The following ARHGEF6 variants were observed in gnomAD, a reference collection of about 807,000 sequenced individuals.
ARHGEF6 encodes Rac/Cdc42 guanine nucleotide exchange factor 6.
A neutral mutation model predicts 70.3 loss-of-function variants in ARHGEF6; 9 were observed. The ratio of observed to expected loss-of-function variants is 0.13; its 90% CI spans 0.08 to 0.22. The LOEUF (loss-of-function observed/expected upper bound fraction) is 0.22. Among genes scored for constraint, ARHGEF6 ranks in the 10% least tolerant of loss-of-function variants. ARHGEF6 has a pLI of 1.00. For missense variants in ARHGEF6, 470 were observed against 563.0 expected, an observed-to-expected ratio of 0.83 and a Z score of 1.67; for synonymous variants, 201 against 207.8, an observed-to-expected ratio of 0.97 and a Z score of 0.28.
intron 6 of ARHGEF6, among the ~76,000 whole-genome samples, chrX:136,722,162 C>T (rs1055005094): frequency 6.0e-4 from 67 of 110,956 alleles, no homozygotes; most frequent in Non-Finnish European, 7.0e-4. Context: ...AATTTACACC[C>T]CTACCTCATA....
chrX:136,772,643 G>A (rs1037230015), intron 2 of ARHGEF6, among the ~76,000 whole-genome samples: 7 of 112,283 alleles, frequency 6.2e-5, no homozygotes, highest in African/African-American at 2.3e-4. Flanking sequence ...GGCTGAGGCA[G>A]GTGGATCACT....
chrX:136,694,064 T>A (rs890951932), intron 9 of ARHGEF6, among the ~76,000 whole-genome samples: 2 of 108,773 alleles, frequency 1.8e-5, no homozygotes, highest in South Asian at 4.0e-4. Context: ...TCCTTTTTTT[T>A]TTTTTTTTGA....
rs1603348481 is a variant in ARHGEF6 at position 136,732,314 on chromosome X, A to G, written c.662-142T>C. On this transcript the variant is annotated intron_variant, in intron 5 of 21. Transcript: ENST00000250617. ...ACATTCCTAAACAAATGAAACTACA[A>G]CTGTGCTAAACTATAGATGGTCAAA... 1.0e-5 allele frequency: 5 copies of G among 501,847 alleles called. No homozygotes were observed. The East Asian group carries it at 1.9e-4, about 19-fold the overall frequency. 41.4% of individuals were successfully genotyped at this position (501,847 alleles called of 1,213,427 possible).
At chrX:136,758,595 GA>G (rs1250673914) in intron 2 of ARHGEF6, among the ~76,000 whole-genome samples, 2 of 110,485 alleles carry the variant, frequency 1.8e-5, no homozygotes, top group Non-Finnish European at 3.8e-5. Flanking sequence ...GACATCACAG[GA>G]GCTAGTATCT....
intron 9 of ARHGEF6, among the ~76,000 whole-genome samples, chrX:136,703,897 C>T (rs973094483): frequency 3.5e-5 from 4 of 112,689 alleles, no homozygotes; most frequent in Non-Finnish European, 5.6e-5. Flanking sequence ...ATAGACTATA[C>T]AGTAGAGTGT....
At chrX:136,741,313 T>C (rs1218075152) in intron 5 of ARHGEF6, among the ~76,000 whole-genome samples, 1 of 111,593 alleles carries the variant, frequency 9.0e-6, no homozygotes. Context: ...AATGAAGACC[T>C]TTATGATGAT....
chrX:136,767,913 G>A, intron 2 of ARHGEF6: 1 of 540,482 alleles, frequency 1.9e-6, no homozygotes, highest in Non-Finnish European at 2.3e-6. Context: ...GTGTACCCGC[G>A]GCGGCCACAC....
intron 2 of ARHGEF6, among the ~76,000 whole-genome samples, chrX:136,772,523 CA>C (rs1307938622): frequency 3.6e-5 from 4 of 112,234 alleles, no homozygotes; most frequent in South Asian, 3.7e-4. Flanking sequence ...CAAATATATA[CA>C]CCTGCTATGT....
intron 20 of ARHGEF6, among the ~76,000 whole-genome samples, chrX:136,670,749 T>C (rs977808541): frequency 2.7e-5 from 3 of 112,063 alleles, no homozygotes; most frequent in African/African-American, 9.8e-5. Flanking sequence ...TGCTATGACA[T>C]TGCCCTTCCC....
At chrX:136,732,245 T>C in intron 5 of ARHGEF6, 73 bp from the exon 6 acceptor site, 1 of 763,831 alleles carries the variant, frequency 1.3e-6, no homozygotes, top group Non-Finnish European at 2.0e-6. Context: ...ATGGGTCAAC[T>C]AACATACTAT....
chrX:136,683,343 A>C (rs1348564065), intron 12 of ARHGEF6, among the ~76,000 whole-genome samples: 1 of 110,573 alleles, frequency 9.0e-6, no homozygotes, highest in East Asian at 2.8e-4. Flanking sequence ...TATGTAAAAC[A>C]TAAAAGTAGA....
At chrX:136,738,407 G>A (rs750726235) in intron 5 of ARHGEF6, among the ~76,000 whole-genome samples, 3 of 111,270 alleles carry the variant, frequency 2.7e-5, no homozygotes, top group African/African-American at 6.5e-5. Context: ...CTCTATTAAC[G>A]GAGTTCAGCA....
At chrX:136,776,378 A>G (rs773931902) in intron 2 of ARHGEF6, among the ~76,000 whole-genome samples, 10 of 112,059 alleles carry the variant, frequency 8.9e-5, no homozygotes, top group Non-Finnish European at 1.3e-4. Flanking sequence ...GAACCCAGAA[A>G]TAAAGCCCAA....
chrX:136,738,058 T>C (rs1205338743), intron 5 of ARHGEF6, among the ~76,000 whole-genome samples: 2 of 109,813 alleles, frequency 1.8e-5, no homozygotes, highest in Non-Finnish European at 3.8e-5. Flanking sequence ...ACAGCTTACC[T>C]GTCTTTCAGT....
At chrX:136,717,382 A>G (rs1034312884) in intron 6 of ARHGEF6, among the ~76,000 whole-genome samples, 1 of 111,603 alleles carries the variant, frequency 9.0e-6, no homozygotes, top group Non-Finnish European at 1.9e-5. Context: ...ATCCTTCAAA[A>G]GTGAAAGACA....
intron 5 of ARHGEF6, chrX:136,737,461 C>G: frequency 1.5e-6 from 1 of 646,930 alleles, no homozygotes; most frequent in African/African-American, 2.5e-5. Flanking sequence ...GAGCGAAACT[C>G]CATCTCAAAA....
At chrX:136,744,217 A>G (rs1197814458) in intron 4 of ARHGEF6, among the ~76,000 whole-genome samples, 2 of 111,988 alleles carry the variant, frequency 1.8e-5, no homozygotes, top group African/African-American at 6.5e-5. Flanking sequence ...TCTGCCTCCC[A>G]TCTCCTAATT....
intron 9 of ARHGEF6, among the ~76,000 whole-genome samples, chrX:136,705,306 G>A (rs1315943779): frequency 9.1e-6 from 1 of 109,916 alleles, no homozygotes; most frequent in African/African-American, 3.3e-5. Context: ...AAAAAGGAAG[G>A]GAAGAGGAGG....
intron 5 of ARHGEF6, among the ~76,000 whole-genome samples, chrX:136,741,278 C>T (rs193300341): frequency 2.3e-4 from 26 of 111,587 alleles, no homozygotes; most frequent in East Asian, 5.6e-4. Flanking sequence ...GCAGGCCCAT[C>T]CCATTTATAC....
Sources: allele counts gnomAD v4.1 joint callset (sites outside exome capture counted in the v4.1 genomes callset), GRCh38; gene constraint gnomAD v4.1.1; transcripts MANE v1.5; gene names NCBI Gene and HGNC (gene_info 2026-07-23, HGNC 2026-07-21).